Variants in CPM observed in about 807,000 individuals in gnomAD.
CPM encodes carboxypeptidase M.
A neutral mutation model predicts 46.4 loss-of-function variants in CPM; 35 were observed. That is an observed-to-expected ratio of 0.75 (90% CI 0.58 to 1.00). The LOEUF (loss-of-function observed/expected upper bound fraction) is 1.00. CPM is among the 50% of genes least tolerant of loss of function. The probability of loss-of-function intolerance (pLI) is 0.00; values close to 1 mark genes in which losing one functional copy is unlikely to be tolerated. For synonymous variants in CPM, 195 were observed against 195.3 expected (o/e 1.00, Z 0.01); for missense variants, 422 against 530.4 (o/e 0.80, Z 2.01).
chr12:68,961,263 A>G (rs746493600), intron 1 of CPM, among the ~76,000 whole-genome samples: 7 of 152,118 alleles, frequency 4.6e-5, no homozygotes, highest in Non-Finnish European at 1.0e-4. Context: ...CTCCTGCCTT[A>G]GCCTCCCAAG....
At chr12:68,962,074 C>T (rs1381711166) in intron 1 of CPM, among the ~76,000 whole-genome samples, 1 of 151,940 alleles carries the variant, frequency 6.6e-6, no homozygotes, top group South Asian at 2.1e-4. Flanking sequence ...GTGGTGGGCG[C>T]CTGTAGTCTC....
At chr12:68,955,031 C>A (rs940878666) in intron 1 of CPM, among the ~76,000 whole-genome samples, 1 of 152,190 alleles carries the variant, frequency 6.6e-6, no homozygotes, top group Non-Finnish European at 1.5e-5. Context: ...TGGCTGGACC[C>A]TGCGCTTGCT....
intron 1 of CPM, among the ~76,000 whole-genome samples, chr12:68,942,742 CATA>C (rs1331582274): frequency 6.6e-6 from 1 of 152,166 alleles, no homozygotes; most frequent in Admixed American, 6.5e-5. Flanking sequence ...GGGGAGCTGG[CATA>C]ATATTACTTT....
rs1884967242 is a variant in CPM, at chr12:68,856,341, G to T, written c.*96C>A. Reference sequence around the variant, plus strand: ...TCAGGAAGATCGTGGAGTTTCTCCAGTCAAGGTCCCACTAGAGTGAGTTAG... The same window carrying T: ...TCAGGAAGATCGTGGAGTTTCTCCATTCAAGGTCCCACTAGAGTGAGTTAG... On this transcript the variant is annotated 3_prime_UTR_variant, in exon 9 of 9. Transcript: ENST00000551568. The T allele has an allele frequency of 7.3e-7, 1 of 1,368,936 alleles. No homozygotes were observed. Among genetic ancestry groups the T allele is most frequent in the Non-Finnish European group, 1.0e-6 (1 of 998,580 alleles). 84.8% of individuals were successfully genotyped at this position (1,368,936 alleles called of 1,614,324 possible).
chr12:68,858,805 T>G (rs1835206175), intron 8 of CPM, 118 bp downstream of exon 8: 5 of 523,452 alleles, frequency 9.6e-6, no homozygotes, highest in Non-Finnish European at 1.5e-5. Context: ...TATCCTTTCT[T>G]TCTGTCTCGA....
Position 68,853,542 on chromosome 12 carries a change from G to A in CPM, c.*2895C>T, listed in dbSNP as rs1273752710. 2 of 152,104 alleles carry A rather than the reference G, an allele frequency of 1.3e-5. No individual in the cohort carries two copies. Among genetic ancestry groups the A allele is most frequent in the Non-Finnish European group, 2.9e-5 (2 of 68,024 alleles). 9.4% of individuals were successfully genotyped at this position (152,104 alleles called of 1,614,324 possible). On this transcript the variant is annotated 3_prime_UTR_variant, in exon 9 of 9. Transcript: ENST00000551568. ...AGCTTGGCATAGAAATGGCCTAAAT[G>A]CTCCTGTAGCTCTTCATTCCTTTGT...
chr12:68,895,028 C>CAAA (rs35142646), intron 2 of CPM, among the ~76,000 whole-genome samples: 61 of 77,640 alleles, frequency 7.9e-4, no homozygotes, highest in South Asian at 9.5e-4. Flanking sequence ...GACTCAGTCT[C>CAAA]AAAAAAAAAA....
chr12:68,864,045 T>C (rs1424092205), intron 7 of CPM, among the ~76,000 whole-genome samples: 2 of 152,238 alleles, frequency 1.3e-5, no homozygotes, highest in Non-Finnish European at 2.9e-5. Flanking sequence ...TATGCATCTG[T>C]CTTAAACCAC....
chr12:68,958,299 C>G (rs945464225), intron 1 of CPM, among the ~76,000 whole-genome samples: 2 of 152,208 alleles, frequency 1.3e-5, no homozygotes, highest in East Asian at 1.9e-4. Flanking sequence ...CTAATTTACA[C>G]TCCCACCAAC....
chr12:68,911,517 A>AT (rs138706066), intron 2 of CPM, among the ~76,000 whole-genome samples: 2,084 of 151,692 alleles, frequency 0.014, 33 homozygotes, highest in Admixed American at 0.048. Flanking sequence ...GTGTAGATTC[A>AT]TTGAGATACA....
At chr12:68,955,821 G>C (rs573385609) in intron 1 of CPM, among the ~76,000 whole-genome samples, 70 of 152,248 alleles carry the variant, frequency 4.6e-4, no homozygotes, top group African/African-American at 1.6e-3. Context: ...GTTTATACAG[G>C]CTTTAGAGGG....
intron 3 of CPM, among the ~76,000 whole-genome samples, chr12:68,883,007 G>T (rs750823140): frequency 3.5e-4 from 54 of 152,168 alleles, no homozygotes; most frequent in Non-Finnish European, 6.6e-4. Flanking sequence ...ATTAAGTGTG[G>T]AAACACACAC....
At chr12:68,884,042 G>A (rs574299915) in intron 3 of CPM, among the ~76,000 whole-genome samples, 10 of 150,154 alleles carry the variant, frequency 6.7e-5, no homozygotes, top group Admixed American at 2.7e-4. Flanking sequence ...CCTTGTAGGC[G>A]GAGGTTGCAG....
intron 2 of CPM, among the ~76,000 whole-genome samples, chr12:68,887,792 A>G (rs1458735595): frequency 6.6e-6 from 1 of 152,248 alleles, no homozygotes; most frequent in African/African-American, 2.4e-5. Flanking sequence ...GAATAAAAAA[A>G]GAAATTTTTT....
chr12:68,947,805 C>T (rs1388307669), intron 1 of CPM, among the ~76,000 whole-genome samples: 1 of 151,834 alleles, frequency 6.6e-6, no homozygotes, highest in Non-Finnish European at 1.5e-5. Context: ...CCACCATGGC[C>T]AGCTTTTTTA....
chr12:68,948,968 A>G lies in CPM; in HGVS notation c.-4+14201T>C, dbSNP rs532728177. Reference sequence around the variant, plus strand: ...GCCCCACAGTTATTTGTGGGAATACATATTTCCTCCACTAAATGGTAAGCT... The same window carrying G: ...GCCCCACAGTTATTTGTGGGAATACGTATTTCCTCCACTAAATGGTAAGCT... On this transcript the variant is annotated intron_variant, in intron 1 of 8. Transcript: ENST00000546373. Among the ~76,000 whole-genome samples the G allele has an allele frequency of 5.9e-5, 9 of 152,330 alleles. No individual in the cohort carries two copies. The South Asian group carries it at 1.0e-3, about 18-fold the overall frequency.
Position 68,855,013 on chromosome 12 carries a change from C to T in CPM, c.*1424G>A, listed in dbSNP as rs762514358. 4.0e-5 allele frequency: 6 copies of T among 150,402 alleles called. No homozygotes were observed. Among genetic ancestry groups the T allele is most frequent in the South Asian group, 4.2e-4 (2 of 4,708 alleles). 9.3% of individuals were successfully genotyped at this position (150,402 alleles called of 1,614,324 possible). On this transcript the variant is annotated 3_prime_UTR_variant, in exon 9 of 9. Transcript: ENST00000551568. ...CTGGGATTACAGGCATGCACCACCA[C>T]GCCCGACTAATTTTTTTTTTTTTTT...
At chr12:68,909,517 C>T (rs980959288) in intron 2 of CPM, among the ~76,000 whole-genome samples, 1 of 152,104 alleles carries the variant, frequency 6.6e-6, no homozygotes, top group African/African-American at 2.4e-5. Flanking sequence ...CACAAAAATG[C>T]ATATACCTTT....
chr12:68,890,715 C>A (rs148939473), intron 2 of CPM, among the ~76,000 whole-genome samples: 9 of 152,372 alleles, frequency 5.9e-5, no homozygotes, highest in African/African-American at 2.2e-4. Flanking sequence ...CTGGCTATGA[C>A]TGATTACAGA....
Sources: gnomAD v4.1 joint callset for allele counts (sites outside exome capture counted in the v4.1 genomes callset) on GRCh38, gnomAD v4.1.1 for gene constraint, MANE v1.5 for transcripts, NCBI Gene and HGNC (gene_info 2026-07-23, HGNC 2026-07-21) for gene names.